P2RY1: variants seen among roughly 807,000 people sequenced by gnomAD.
P2RY1 encodes P2Y purinoceptor 1.
In P2RY1, 14 loss-of-function variants were observed where a neutral mutation model predicts 22.8. The observed-to-expected ratio is 0.61, with a 90% CI of 0.41 to 0.96. The LOEUF is 0.96. Ranked by LOEUF, P2RY1 falls within the 40% of genes least tolerant of loss-of-function variation. P2RY1 has a pLI of 0.00. For missense variants in P2RY1, 395 were observed against 470.3 expected, an observed-to-expected ratio of 0.84 and a Z score of 1.48; for synonymous variants, 200 against 195.1, an observed-to-expected ratio of 1.03 and a Z score of -0.21.
In P2RY1 at chr3:152,836,522, A is replaced by G; in HGVS notation, c.740A>G (p.Lys247Arg). ...YGLIVRALIY[K>R]DLDNSPLRRK... ...TTAATTGTGAGAGCTTTGATTTACA[A>G]AGATCTGGACAACTCTCCTCTGAGG... Residue 247 changes from lysine (K) to arginine (R), a missense_variant, in exon 1 of 1, where the codon AAA (lysine) becomes AGA (arginine). Lys to Arg is a conservative substitution (Grantham distance 26). This residue lies in a region of P2RY1 where 291 missense variants were observed against 361.6 expected (regional missense o/e 0.80). Coordinates refer to ENST00000305097, the MANE Select transcript of P2RY1 (RefSeq NM_002563.5). This position sits in a 1 kb window ranked among gnomAD's most constrained non-coding sequence, Gnocchi z 5.6. The G allele has an allele frequency of 1.9e-6, 3 of 1,614,204 alleles. No homozygotes were observed. Among genetic ancestry groups the G allele is most frequent in the Non-Finnish European group, 2.5e-6 (3 of 1,180,036 alleles).
At position 152,837,036 on chromosome 3, in the gene P2RY1, A is replaced by T. The variant is rs951766832; in HGVS notation, c.*132A>T. ...CAAGAAAATAGTGAGTTAAAAAAAT[A>T]ATAGAAGTAGAAATGCCCACATCCA... On this transcript the variant is annotated 3_prime_UTR_variant, in exon 1 of 1. Coordinates refer to ENST00000305097, the MANE Select transcript of P2RY1 (RefSeq NM_002563.5). The T allele has an allele frequency of 1.4e-6, 1 of 732,096 alleles. No individual in the cohort carries two copies. The highest frequency in any genetic ancestry group is 2.0e-5 in the South Asian group (1 of 49,602). The allele number at this position is 732,096 out of a possible 1,614,324, so 45.4% of individuals were successfully genotyped here. A position where few individuals can be genotyped will look rare whatever the true frequency, so the allele number is the denominator to read the frequency against.
Position 152,836,035 on chromosome 3 carries a change from G to A in P2RY1, c.253G>A (p.Gly85Ser). The change falls in exon 1 of 1, where the codon GGC becomes AGC. Residue 85 changes from glycine (G) to serine (S), a missense_variant. By Grantham distance (56) the Gly-to-Ser change is moderately conservative (BLOSUM62 0). Coordinates refer to ENST00000305097, the MANE Select transcript of P2RY1 (RefSeq NM_002563.5). This position sits in a 1 kb window ranked among gnomAD's most constrained non-coding sequence, Gnocchi z 5.6. ...CGTCTTCCACATGAAGCCCTGGAGCGGCATCTCCGTGTACATGTTCAATTT... is the reference window on the plus strand; with the variant it reads ...CGTCTTCCACATGAAGCCCTGGAGCAGCATCTCCGTGTACATGTTCAATTT... ...MFVFHMKPWS[G>S]ISVYMFNLAL... The A allele has an allele frequency of 1.2e-6, 2 of 1,614,144 alleles. No individual in the cohort carries two copies. The highest frequency in any genetic ancestry group is 1.7e-6 in the Non-Finnish European group (2 of 1,180,036).
Position 152,838,149 on chromosome 3 carries a change from A to G in P2RY1, c.*1245A>G, listed in dbSNP as rs1413335843. 6.5e-6 allele frequency: 1 copy of G among 154,364 alleles called. No homozygotes were observed. Among genetic ancestry groups the G allele is most frequent in the African/African-American group, 2.4e-5 (1 of 41,456 alleles). 9.6% of individuals were successfully genotyped at this position (154,364 alleles called of 1,614,324 possible). ...ATCTCAATATTTAAAGAAAAAACAT[A>G]TATATGGAGGGAAATATAGAGAATT... is the stretch of plus-strand genomic sequence containing the variant. On this transcript the variant is annotated 3_prime_UTR_variant, in exon 1 of 1. Transcript: ENST00000305097.
At position 152,836,212 on chromosome 3, in the gene P2RY1, T is replaced by A. The variant is rs1175866646; in HGVS notation, c.430T>A (p.Cys144Ser). Residue 144 changes from cysteine to serine, a missense_variant, in exon 1 of 1, where the codon TGC (cysteine) becomes AGC (serine). This residue lies in a region of P2RY1 where 291 missense variants were observed against 361.6 expected (regional missense o/e 0.80). Coordinates refer to ENST00000305097, the MANE Select transcript of P2RY1 (RefSeq NM_002563.5). The surrounding 1 kb of genome is among the most constrained non-coding windows in gnomAD (Gnocchi z 5.6). ...NLYGSILFLT[C>S]ISAHRYSGVV... ...CTATGGCAGCATCTTGTTTCTGACA[T>A]GCATCAGTGCCCACCGGTACAGCGG... 1.2e-6 allele frequency: 2 copies of A among 1,614,068 alleles called. No homozygotes were observed. Among genetic ancestry groups the A allele is most frequent in the East Asian group, 4.5e-5 (2 of 44,890 alleles).
At position 152,840,153 on chromosome 3, in the gene P2RY1, G is replaced by A. The variant is rs1459436281; in HGVS notation, c.*3249G>A. The A allele has an allele frequency of 6.6e-6, 1 of 152,128 alleles. No homozygotes were observed. Among genetic ancestry groups the A allele is most frequent in the African/African-American group, 2.4e-5 (1 of 41,434 alleles). 9.4% of individuals were successfully genotyped at this position (152,128 alleles called of 1,614,324 possible). On this transcript the variant is annotated 3_prime_UTR_variant, in exon 1 of 1. Coordinates refer to ENST00000305097, the MANE Select transcript of P2RY1 (RefSeq NM_002563.5). ...ATTTATTACAATGTATGATATTAAT[G>A]TGTCAAACTGGTGTATTTTACAAAA...
In P2RY1 at chr3:152,835,711, C is replaced by CG. The variant is rs781111052; in HGVS notation, c.-71dup. 7.1e-7 allele frequency: 1 copy of CG among 1,401,260 alleles called. No homozygotes were observed. The highest frequency in any genetic ancestry group is 9.5e-7 in the Non-Finnish European group (1 of 1,050,712). The allele number at this position is 1,401,260 out of a possible 1,614,324, so 86.8% of individuals were successfully genotyped here. A position where few individuals can be genotyped will look rare whatever the true frequency, so the allele number is the denominator to read the frequency against. ...TCGCTGGCTTTTCCGATGCTTGCTG[C>CG]GCCCCTGGCCGCCGCTGCCCTCTCG... On this transcript the variant is annotated 5_prime_UTR_variant, in exon 1 of 1. The change abolishes the stop of an existing upstream ORF in the 5' untranslated region. Transcript: ENST00000305097.
At position 152,841,277 on chromosome 3, in the gene P2RY1, G is replaced by T. The variant is rs1576606036; in HGVS notation, c.*4373G>T. The T allele has an allele frequency of 6.6e-6, 1 of 152,026 alleles. No individual in the cohort carries two copies. 9.4% of individuals were successfully genotyped at this position (152,026 alleles called of 1,614,324 possible). A position where few individuals can be genotyped will look rare whatever the true frequency, so the allele number is the denominator to read the frequency against. The stretch of plus-strand genomic sequence containing the variant: ...TATGCAAAACCTTGTGTGTGTGTGT[G>T]TGTGTGTGTGTGTGTGTGTGTCTTA... On this transcript the variant is annotated 3_prime_UTR_variant, in exon 1 of 1. Transcript: ENST00000305097.
rs564086997 is a variant in P2RY1, at chr3:152,835,666, G to A, written c.-117G>A. 6.3e-4 allele frequency: 654 copies of A among 1,038,668 alleles called. 6 individuals are homozygous for A. In the African/African-American group the frequency reaches 8.6e-3, roughly 14 times the overall value. 64.3% of individuals were successfully genotyped at this position (1,038,668 alleles called of 1,614,324 possible). On this transcript the variant is annotated 5_prime_UTR_variant, in exon 1 of 1. Transcript: ENST00000305097. ...GCGCGCCCCCTCCCGCGGGGATCCAGTTCGCCTGCTCCCTTCCGCTCGCTG... is the reference window on the plus strand; with the variant it reads ...GCGCGCCCCCTCCCGCGGGGATCCAATTCGCCTGCTCCCTTCCGCTCGCTG...
At position 152,835,840 on chromosome 3, in the gene P2RY1, G is replaced by A. The variant is rs1357518973; in HGVS notation, c.58G>A (p.Gly20Ser). 6.2e-7 allele frequency: 1 copy of A among 1,612,700 alleles called. No individual in the cohort carries two copies. Among genetic ancestry groups the A allele is most frequent in the Non-Finnish European group, 8.5e-7 (1 of 1,180,002 alleles). ...CGGGACGGACGCTGCCTTCCTGGCCGGTCCGGGTTCGTCCTGGGGGAACAG... is the reference window on the plus strand; with the variant it reads ...CGGGACGGACGCTGCCTTCCTGGCCAGTCCGGGTTCGTCCTGGGGGAACAG... ...PNGTDAAFLA[G>S]PGSSWGNSTV... is the part of the protein sequence containing the mutation. The change falls in exon 1 of 1, where the codon GGT (glycine) becomes AGT (serine). Residue 20 changes from glycine to serine, a missense_variant. Physicochemically the swap from Gly to Ser is moderately conservative, Grantham distance 56. Transcript: ENST00000305097.
Position 152,835,895 on chromosome 3 carries a change from C to T in P2RY1, c.113C>T (p.Ser38Leu). The change falls in exon 1 of 1, where the codon TCG (serine) becomes TTG (leucine). Residue 38 changes from serine to leucine, a missense_variant. Around this residue, in one of 3 missense-constraint regions of P2RY1, gnomAD observed 98 missense variants for 87.7 expected, o/e 1.12. Coordinates refer to ENST00000305097, the MANE Select transcript of P2RY1 (RefSeq NM_002563.5). ...STVASTAAVSSSFKCALTKTG... is the reference protein window; with the variant it reads ...STVASTAAVSLSFKCALTKTG... ...GTCGCCTCCACTGCCGCCGTCTCCT[C>T]GTCGTTCAAATGCGCCTTGACCAAG... The T allele has an allele frequency of 1.9e-6, 3 of 1,614,128 alleles. No homozygotes were observed. Among genetic ancestry groups the T allele is most frequent in the East Asian group, 2.2e-5 (1 of 44,886 alleles).
rs781198259 is a variant in P2RY1 at position 152,836,587 on chromosome 3, T to C, written c.805T>C (p.Phe269Leu). 1 of 1,614,196 alleles carries C rather than the reference T, an allele frequency of 6.2e-7. No individual in the cohort carries two copies. The highest frequency in any genetic ancestry group is 8.5e-7 in the Non-Finnish European group (1 of 1,180,038). Residue 269 changes from phenylalanine to leucine, a missense_variant, in exon 1 of 1, where the codon TTT (phenylalanine) becomes CTT (leucine). By Grantham distance (22) the Phe-to-Leu change is conservative. This residue lies in a region of P2RY1 where 291 missense variants were observed against 361.6 expected (regional missense o/e 0.80). Transcript: ENST00000305097. The surrounding 1 kb of genome is among the most constrained non-coding windows in gnomAD (Gnocchi z 5.6). Reference protein sequence around the residue: ...IYLVIIVLTVFAVSYIPFHVM... With the variant: ...IYLVIIVLTVLAVSYIPFHVM... ...CCTGGTAATCATTGTACTGACTGTT[T>C]TTGCTGTGTCTTACATCCCTTTCCA...
rs753589391 is a variant in P2RY1 at position 152,836,465 on chromosome 3, TC to T, written c.687del (p.Leu230TrpfsTer3). The stretch of plus-strand genomic sequence containing the variant: ...TGCACGACCGTGGCCATGTTCTGTG[TC>T]CCCTTGGTGCTGATTCTGGGCTGTT... ...SMCTTVAMFC[V>X]PLVLILGCYG... On this transcript the variant is annotated frameshift_variant, in exon 1 of 1. Transcript: ENST00000305097. LOFTEE classifies it high-confidence loss of function. The surrounding 1 kb of genome is among the most constrained non-coding windows in gnomAD (Gnocchi z 5.6). 3 of 1,614,062 alleles carry T rather than the reference TC, an allele frequency of 1.9e-6. No homozygotes were observed. Among genetic ancestry groups the T allele is most frequent in the African/African-American group, 1.3e-5 (1 of 74,906 alleles).
At position 152,836,407 on chromosome 3, in the gene P2RY1, G is replaced by C. The variant is rs755529820; in HGVS notation, c.625G>C (p.Glu209Gln). 1.2e-6 allele frequency: 2 copies of C among 1,614,122 alleles called. No homozygotes were observed. Among genetic ancestry groups the C allele is most frequent in the Admixed American group, 1.7e-5 (1 of 60,018 alleles). The change falls in exon 1 of 1, where the codon GAG (glutamate) becomes CAG (glutamine). Residue 209 changes from glutamate (E) to glutamine (Q), a missense_variant. By Grantham distance (29) the Glu-to-Gln change is conservative. Coordinates refer to ENST00000305097, the MANE Select transcript of P2RY1 (RefSeq NM_002563.5). This position sits in a 1 kb window ranked among gnomAD's most constrained non-coding sequence, Gnocchi z 5.6. Reference protein sequence around the residue: ...TITCYDTTSDEYLRSYFIYSM... With the variant: ...TITCYDTTSDQYLRSYFIYSM... ...CACCTGTTACGACACCACCTCAGAC[G>C]AGTACCTGCGAAGTTATTTCATCTA...
chr3:152,835,901 T>C lies in P2RY1; in HGVS notation c.119T>C (p.Phe40Ser). 1 of 1,614,150 alleles carries C rather than the reference T, an allele frequency of 6.2e-7. No homozygotes were observed. The highest frequency in any genetic ancestry group is 8.5e-7 in the Non-Finnish European group (1 of 1,180,028). ...VASTAAVSSS[F>S]KCALTKTGFQ... ...TCCACTGCCGCCGTCTCCTCGTCGT[T>C]CAAATGCGCCTTGACCAAGACGGGC... The change falls in exon 1 of 1, where the codon TTC becomes TCC. Residue 40 changes from phenylalanine (F) to serine (S), a missense_variant. This residue lies in a region of P2RY1 where 98 missense variants were observed against 87.7 expected (regional missense o/e 1.12). Coordinates refer to ENST00000305097, the MANE Select transcript of P2RY1 (RefSeq NM_002563.5).
rs1481609593 is a variant in P2RY1 at position 152,836,411 on chromosome 3, A to G, written c.629A>G (p.Tyr210Cys). Residue 210 changes from tyrosine to cysteine, a missense_variant, in exon 1 of 1, where the codon TAC (tyrosine) becomes TGC (cysteine). Coordinates refer to ENST00000305097, the MANE Select transcript of P2RY1 (RefSeq NM_002563.5). The surrounding 1 kb of genome is among the most constrained non-coding windows in gnomAD (Gnocchi z 5.6). The part of the protein sequence containing the change: ...ITCYDTTSDE[Y>C]LRSYFIYSMC... ...TGTTACGACACCACCTCAGACGAGT[A>G]CCTGCGAAGTTATTTCATCTACAGC... The G allele has an allele frequency of 6.2e-7, 1 of 1,614,152 alleles. No individual in the cohort carries two copies. The highest frequency in any genetic ancestry group is 8.5e-7 in the Non-Finnish European group (1 of 1,180,028).
rs1448376256 is a variant in P2RY1 at position 152,840,025 on chromosome 3, G to C, written c.*3121G>C. The C allele has an allele frequency of 6.6e-6, 1 of 152,182 alleles. No homozygotes were observed. Among genetic ancestry groups the C allele is most frequent in the Non-Finnish European group, 1.5e-5 (1 of 68,022 alleles). 9.4% of individuals were successfully genotyped at this position (152,182 alleles called of 1,614,324 possible). A position where few individuals can be genotyped will look rare whatever the true frequency, so the allele number is the denominator to read the frequency against. Reference sequence around the variant, plus strand: ...ATTGAAGCTTAAACTTTGCTGGTCAGGTTGTAGCTATTGTAAAAGTATTTA... The same window carrying C: ...ATTGAAGCTTAAACTTTGCTGGTCACGTTGTAGCTATTGTAAAAGTATTTA... On this transcript the variant is annotated 3_prime_UTR_variant, in exon 1 of 1. Coordinates refer to ENST00000305097, the MANE Select transcript of P2RY1 (RefSeq NM_002563.5).
Position 152,837,642 on chromosome 3 carries a change from A to G in P2RY1, c.*738A>G, listed in dbSNP as rs1028714119. ...AATGCATTCAAAATAATTAAAGTGCATGTATTTTCCTTGTAAACACCATGA... is the reference window on the plus strand; with the variant it reads ...AATGCATTCAAAATAATTAAAGTGCGTGTATTTTCCTTGTAAACACCATGA... On this transcript the variant is annotated 3_prime_UTR_variant, in exon 1 of 1. Coordinates refer to ENST00000305097, the MANE Select transcript of P2RY1 (RefSeq NM_002563.5). 6.0e-6 allele frequency: 1 copy of G among 167,070 alleles called. No homozygotes were observed. Among genetic ancestry groups the G allele is most frequent in the African/African-American group, 2.4e-5 (1 of 41,464 alleles). 10.3% of individuals were successfully genotyped at this position (167,070 alleles called of 1,614,324 possible). A position where few individuals can be genotyped will look rare whatever the true frequency, so the allele number is the denominator to read the frequency against.
In P2RY1 at chr3:152,840,216, G is replaced by A. The variant is rs1437797455; in HGVS notation, c.*3312G>A. The A allele has an allele frequency of 6.6e-6, 1 of 152,142 alleles. No homozygotes were observed. Among genetic ancestry groups the A allele is most frequent in the Non-Finnish European group, 1.5e-5 (1 of 68,024 alleles). 9.4% of individuals were successfully genotyped at this position (152,142 alleles called of 1,614,324 possible). On this transcript the variant is annotated 3_prime_UTR_variant, in exon 1 of 1. Coordinates refer to ENST00000305097, the MANE Select transcript of P2RY1 (RefSeq NM_002563.5). ...ACATAAATAAGAGTTGTATATTACA[G>A]TGCTTTTCAAATATCAGTGTCTTGG...
Position 152,836,055 on chromosome 3 carries a change from C to T in P2RY1, c.273C>T (p.Phe91=). The change falls in exon 1 of 1, where the codon TTC becomes TTT. Residue 91 remains phenylalanine (F), a synonymous_variant. Coordinates refer to ENST00000305097, the MANE Select transcript of P2RY1 (RefSeq NM_002563.5). This position sits in a 1 kb window ranked among gnomAD's most constrained non-coding sequence, Gnocchi z 5.6. ...GGAGCGGCATCTCCGTGTACATGTTCAATTTGGCTCTGGCCGACTTCTTGT... is the reference window on the plus strand; with the variant it reads ...GGAGCGGCATCTCCGTGTACATGTTTAATTTGGCTCTGGCCGACTTCTTGT... ...KPWSGISVYM[F]NLALADFLYV... is the part of the protein sequence containing the mutation. The T allele has an allele frequency of 6.2e-7, 1 of 1,614,176 alleles. No homozygotes were observed. Among genetic ancestry groups the T allele is most frequent in the Non-Finnish European group, 8.5e-7 (1 of 1,180,036 alleles).
Sources: gnomAD v4.1 joint callset for allele counts on GRCh38, gnomAD v4.1.1 for gene constraint, gnomAD v4.1.1 regional missense constraint, Gnocchi (gnomAD v3.1) non-coding constraint, MANE v1.5 for transcripts, NCBI Gene and HGNC (gene_info 2026-07-23, HGNC 2026-07-21) for gene names.